Variants in EXT2 observed in about 807,000 individuals in gnomAD.
EXT2 encodes exostosin-2.
EXT2 carries 53 observed loss-of-function variants against 81.6 expected under a neutral mutation model. That is an observed-to-expected ratio of 0.65 (90% CI 0.52 to 0.82). The LOEUF is 0.82. Ranked by LOEUF, EXT2 falls within the 40% of genes least tolerant of loss-of-function variation. The pLI is 0.00. For missense variants in EXT2, 774 were observed against 910.2 expected (o/e 0.85, Z 1.93); for synonymous variants, 320 against 340.0 (o/e 0.94, Z 0.65).
chr11:44,205,104 T>C (rs1178180801), intron 9 of EXT2, among the ~76,000 whole-genome samples: 1 of 152,220 alleles, frequency 6.6e-6, no homozygotes, highest in African/African-American at 2.4e-5. Flanking sequence ...TTATCATTTA[T>C]TTTCTGTGTA....
intron 7 of EXT2, among the ~76,000 whole-genome samples, chr11:44,158,127 G>A (rs557596074): frequency 6.5e-4 from 99 of 152,182 alleles, no homozygotes; most frequent in Middle Eastern, 3.2e-3. Context: ...CTCCTCAAGT[G>A]GAAGGAAAAG....
Position 44,197,874 on chromosome 11 carries a change from C to T in EXT2, c.1351C>T (p.Pro451Ser), listed in dbSNP as rs1334674419. The T allele has an allele frequency of 2.5e-6, 4 of 1,614,048 alleles. No homozygotes were observed. Among genetic ancestry groups the T allele is most frequent in the Non-Finnish European group, 2.5e-6 (3 of 1,179,948 alleles). ...SNPLFLPLIP[P>S]QSQGFTAIVL... ...TCCACTCTTCCTCCCGCTGATCCCA[C>T]CACAGTCTCAAGGGTTCACCGCCAT... is the stretch of plus-strand genomic sequence containing the variant. The change falls in exon 9 of 14, where the codon CCA becomes TCA. Residue 451 changes from proline (P) to serine (S), a missense_variant. Physicochemically the swap from Pro to Ser is moderately conservative, Grantham distance 74 (BLOSUM62 -1). Transcript: ENST00000533608.
intron 4 of EXT2, among the ~76,000 whole-genome samples, chr11:44,120,846 C>T (rs1395927239): frequency 6.6e-6 from 1 of 152,188 alleles, no homozygotes; most frequent in African/African-American, 2.4e-5. Flanking sequence ...GAGTTTACAA[C>T]TGTTACTATT....
In EXT2 at chr11:44,248,084, A is replaced by C. The variant is rs1006134574; in HGVS notation, c.*3797A>C. On this transcript the variant is annotated 3_prime_UTR_variant, in exon 14 of 14. Transcript: ENST00000533608. Reference sequence around the variant, plus strand: ...AGGCTTTGGGTGTTGGAGACTTCCCATCAGCCACCCATCATGAGCCTGGTG... The same window carrying C: ...AGGCTTTGGGTGTTGGAGACTTCCCCTCAGCCACCCATCATGAGCCTGGTG... 6.6e-6 allele frequency among the ~76,000 whole-genome samples: 1 copy of C among 152,208 alleles called. No homozygotes were observed. Among genetic ancestry groups the C allele is most frequent in the Admixed American group, 6.5e-5 (1 of 15,276 alleles).
intron 7 of EXT2, among the ~76,000 whole-genome samples, chr11:44,130,516 C>G (rs1282260556): frequency 6.6e-6 from 1 of 152,220 alleles, no homozygotes; most frequent in African/African-American, 2.4e-5. Context: ...TATTGCTGCA[C>G]AAACTAGCCC....
intron 9 of EXT2, among the ~76,000 whole-genome samples, chr11:44,205,712 A>G (rs1564975366): frequency 6.6e-6 from 1 of 152,140 alleles, no homozygotes; most frequent in African/African-American, 2.4e-5. Context: ...TCCCTCTATC[A>G]TACTTCTTCT....
chr11:44,107,820 C>A lies in EXT2; in HGVS notation c.108C>A (p.Gly36=). ...YITLFSIVLL[G]LIATGMFQFW... is the part of the protein sequence containing the mutation. ...CCCTCTTCTCCATTGTCCTCCTGGG[C>A]CTCATTGCCACTGGCATGTTTCAGT... Residue 36 remains glycine, a synonymous_variant, in exon 2 of 14, where the codon GGC becomes GGA. Coordinates refer to ENST00000533608, the MANE Select transcript of EXT2 (RefSeq NM_207122.2). 1 of 1,614,156 alleles carries A rather than the reference C, an allele frequency of 6.2e-7. No individual in the cohort carries two copies. The highest frequency in any genetic ancestry group is 2.2e-5 in the East Asian group (1 of 44,864).
chr11:44,249,934 G>A lies in EXT2; in HGVS notation c.*5647G>A, dbSNP rs541212926. On this transcript the variant is annotated 3_prime_UTR_variant, in exon 14 of 14. Transcript: ENST00000533608. ...AAATACAAAGAATTAGCCGGGCATA[G>A]TGGCAGGCACCTGTAGCCCCAGCTA... is the stretch of plus-strand genomic sequence containing the variant. Among the ~76,000 whole-genome samples, 28 of 152,316 alleles carry A rather than the reference G, an allele frequency of 1.8e-4. No homozygotes were observed. The highest frequency in any genetic ancestry group is 6.5e-4 in the Admixed American group (10 of 15,304).
At chr11:44,194,913 G>A (rs1054009617) in intron 8 of EXT2, among the ~76,000 whole-genome samples, 2 of 152,048 alleles carry the variant, frequency 1.3e-5, no homozygotes, top group African/African-American at 2.4e-5. Flanking sequence ...GACCATGAAC[G>A]GTCCCTGGGG....
At chr11:44,242,179 T>C (rs972838271) in intron 13 of EXT2, among the ~76,000 whole-genome samples, 4 of 152,246 alleles carry the variant, frequency 2.6e-5, no homozygotes, top group Admixed American at 1.3e-4. Context: ...TGGGAACAGC[T>C]GGGCTTTGCC....
intron 8 of EXT2, among the ~76,000 whole-genome samples, chr11:44,191,995 T>A (rs1461357522): frequency 2.0e-5 from 3 of 152,158 alleles, no homozygotes; most frequent in Non-Finnish European, 4.4e-5. Context: ...AAAAGAAAAT[T>A]TCAAAAGAAA....
intron 9 of EXT2, among the ~76,000 whole-genome samples, chr11:44,206,523 T>C (rs934760583): frequency 6.6e-6 from 1 of 152,222 alleles, no homozygotes; most frequent in East Asian, 1.9e-4. Context: ...TGAGAATTAG[T>C]AGTGTTACAA....
chr11:44,209,295 A>G (rs1325274276), intron 10 of EXT2, among the ~76,000 whole-genome samples: 1 of 152,018 alleles, frequency 6.6e-6, no homozygotes. Context: ...AAGCACCAAA[A>G]GGCAGTAAGT....
In EXT2 at chr11:44,246,707, G is replaced by T. The variant is rs1956096606; in HGVS notation, c.*2420G>T. 6.6e-6 allele frequency among the ~76,000 whole-genome samples: 1 copy of T among 152,228 alleles called. No homozygotes were observed. ...AGAAATTCAAGACAGGGATATAGCA[G>T]GTGATGGCGATTCATGGATTCAGAG... On this transcript the variant is annotated 3_prime_UTR_variant, in exon 14 of 14. Transcript: ENST00000533608.
At chr11:44,217,590 T>TAG (rs1955735094) in intron 10 of EXT2, among the ~76,000 whole-genome samples, 1 of 152,224 alleles carries the variant, frequency 6.6e-6, no homozygotes, top group South Asian at 2.1e-4. Flanking sequence ...GTTTATGTAT[T>TAG]TTACTAGGAA....
At chr11:44,117,126 C>A (rs536618504) in intron 4 of EXT2, among the ~76,000 whole-genome samples, 1 of 152,074 alleles carries the variant, frequency 6.6e-6, no homozygotes, top group Non-Finnish European at 1.5e-5. Flanking sequence ...TGTGCCACCA[C>A]GCCCAGCTAA....
At chr11:44,244,067 AACAT>A in intron 13 of EXT2, 78 bp from the exon 14 acceptor site, 1 of 1,287,778 alleles carries the variant, frequency 7.8e-7, no homozygotes, top group Non-Finnish European at 1.1e-6. Flanking sequence ...CAACCTCTTG[AACAT>A]ACTATCTTTT....
chr11:44,223,413 C>T (rs954401433), intron 10 of EXT2, among the ~76,000 whole-genome samples: 1 of 152,168 alleles, frequency 6.6e-6, no homozygotes, highest in Non-Finnish European at 1.5e-5. Context: ...GTTAAGCAGA[C>T]TATGGCACAT....
chr11:44,202,167 A>G (rs977437789), intron 9 of EXT2, among the ~76,000 whole-genome samples: 3 of 152,156 alleles, frequency 2.0e-5, no homozygotes, highest in Admixed American at 6.5e-5. Context: ...TGCACCCCAT[A>G]TCATCCTCCT....
Sources: allele counts gnomAD v4.1 joint callset (sites outside exome capture counted in the v4.1 genomes callset), GRCh38; gene constraint gnomAD v4.1.1; transcripts MANE v1.5; gene names NCBI Gene and HGNC (gene_info 2026-07-23, HGNC 2026-07-21).